The following SEPTIN3 variants were observed in gnomAD, a reference collection of about 807,000 sequenced individuals.
SEPTIN3 encodes neuronal-specific septin-3.
In SEPTIN3, 15 loss-of-function variants were observed where a neutral mutation model predicts 45.1. The ratio of observed to expected loss-of-function variants is 0.33; its 90% CI spans 0.22 to 0.51. The LOEUF is 0.51. Ranked by LOEUF, SEPTIN3 falls within the 20% of genes least tolerant of loss-of-function variation. The probability of loss-of-function intolerance (pLI) is 0.97; values close to 1 mark genes in which losing one functional copy is unlikely to be tolerated. For synonymous variants in SEPTIN3, 148 were observed against 164.8 expected, an observed-to-expected ratio of 0.90 and a Z score of 0.78; for missense variants, 289 against 457.2, an observed-to-expected ratio of 0.63 and a Z score of 3.35.
At chr22:41,982,050 C>T (rs928604690) in intron 3 of SEPTIN3, 6 of 574,808 alleles carry the variant, frequency 1.0e-5, no homozygotes, top group Non-Finnish European at 1.6e-5. Context: ...CCAGCCCAGC[C>T]CCCCATCACC....
intron 11 of SEPTIN3, chr22:41,995,471 C>A: frequency 9.1e-6 from 9 of 985,580 alleles, no homozygotes; most frequent in Non-Finnish European, 1.1e-5. Flanking sequence ...CAGGCCACTG[C>A]CTGTCTCTGC....
Position 41,972,246 on chromosome 22 carries a change from A to C in SEPTIN3, c.754A>C (p.Thr252Pro), listed in dbSNP as rs1198694993. The C allele has an allele frequency of 2.5e-6, 1 of 399,124 alleles. No individual in the cohort carries two copies. Among genetic ancestry groups the C allele is most frequent in the Non-Finnish European group, 4.4e-6 (1 of 226,110 alleles). 24.7% of individuals were successfully genotyped at this position (399,124 alleles called of 1,614,324 possible). The change falls in exon 2 of 12, where the codon ACG becomes CCG. Residue 252 changes from threonine to proline, a missense_variant. By Grantham distance (38) the Thr-to-Pro change is conservative. This residue lies in a region of SEPTIN3 where 200 missense variants were observed against 315.1 expected (regional missense o/e 0.63). Transcript: ENST00000644076. Reference protein sequence around the residue: ...RPRGRLQRANTTVNLTAMDTR... With the variant: ...RPRGRLQRANPTVNLTAMDTR... The stretch of plus-strand genomic sequence containing the variant: ...CCGGGGGCGTCTCCAAAGGGCCAAC[A>C]CGACTGTGAATTTGACTGCTATGGA...
intron 2 of SEPTIN3, among the ~76,000 whole-genome samples, chr22:41,974,780 G>A (rs2077999029): frequency 6.8e-6 from 1 of 147,922 alleles, no homozygotes; most frequent in Non-Finnish European, 1.5e-5. Flanking sequence ...GCTTGAACCC[G>A]GGAGGCGGAG....
At chr22:41,990,527 C>G (rs1206597042) in intron 7 of SEPTIN3, among the ~76,000 whole-genome samples, 4 of 149,054 alleles carry the variant, frequency 2.7e-5, no homozygotes, top group South Asian at 4.2e-4. Context: ...GGGTGAATCA[C>G]GAAGTCAGGA....
In SEPTIN3 at chr22:41,996,960, C is replaced by T; in HGVS notation, c.2564C>T (p.Ala855Val). The T allele has an allele frequency of 6.2e-7, 1 of 1,614,032 alleles. No homozygotes were observed. Among genetic ancestry groups the T allele is most frequent in the Non-Finnish European group, 8.5e-7 (1 of 1,179,926 alleles). The change falls in exon 12 of 12, where the codon GCT becomes GTT. Residue 855 changes from alanine to valine, a missense_variant. Ala to Val is a moderately conservative substitution (Grantham distance 64). This residue lies in a region of SEPTIN3 where 84 missense variants were observed against 114.7 expected (regional missense o/e 0.73). Coordinates refer to ENST00000644076, the MANE Select transcript of SEPTIN3 (RefSeq NM_001363845.2). ...PPVPATPCPT[A>V]E is the part of the protein sequence containing the mutation. ...GTGCCAGCCACCCCCTGCCCCACTG[C>T]TGAATGAAGGCCATTTCAAGCGCTG...
intron 2 of SEPTIN3, among the ~76,000 whole-genome samples, chr22:41,975,205 A>G (rs1339823769): frequency 6.6e-6 from 1 of 152,176 alleles, no homozygotes; most frequent in East Asian, 1.9e-4. Flanking sequence ...TGGTCTTAGA[A>G]AGCCTGTGAC....
chr22:41,979,760 GA>G (rs1205142317), intron 2 of SEPTIN3, among the ~76,000 whole-genome samples: 1 of 152,224 alleles, frequency 6.6e-6, no homozygotes, highest in African/African-American at 2.4e-5. Flanking sequence ...TTCCCATTGG[GA>G]GAGAGGGTCT....
chr22:41,974,947 G>C (rs928975881), intron 2 of SEPTIN3, among the ~76,000 whole-genome samples: 1 of 142,994 alleles, frequency 7.0e-6, no homozygotes, highest in African/African-American at 2.6e-5. Flanking sequence ...GTTGTGATTT[G>C]TCTAATAGGT....
At position 41,997,066 on chromosome 22, in the gene SEPTIN3, C is replaced by T. The variant is rs1157081346; in HGVS notation, c.*99C>T. The T allele has an allele frequency of 3.2e-6, 5 of 1,579,726 alleles. No individual in the cohort carries two copies. The highest frequency in any genetic ancestry group is 2.7e-5 in the African/African-American group (2 of 74,316). ...GCTGTGCTCGTCCAGCTCACCACCA[C>T]AGCCCCTCTCAGCCCTCAGTAGGTG... On this transcript the variant is annotated 3_prime_UTR_variant, in exon 12 of 12. Coordinates refer to ENST00000644076, the MANE Select transcript of SEPTIN3 (RefSeq NM_001363845.2).
rs1278546021 is a variant in SEPTIN3, at chr22:41,997,059, A to G, written c.*92A>G. On this transcript the variant is annotated 3_prime_UTR_variant, in exon 12 of 12. Coordinates refer to ENST00000644076, the MANE Select transcript of SEPTIN3 (RefSeq NM_001363845.2). ...TTTTAGTGCTGTGCTCGTCCAGCTC[A>G]CCACCACAGCCCCTCTCAGCCCTCA... 3 of 1,597,024 alleles carry G rather than the reference A, an allele frequency of 1.9e-6. No individual in the cohort carries two copies. Among genetic ancestry groups the G allele is most frequent in the African/African-American group, 1.3e-5 (1 of 74,726 alleles).
At chr22:41,983,845 T>C (rs967297949) in intron 3 of SEPTIN3, among the ~76,000 whole-genome samples, 1 of 152,240 alleles carries the variant, frequency 6.6e-6, no homozygotes, top group Non-Finnish European at 1.5e-5. Flanking sequence ...TGTCTGCTTA[T>C]GTTTTGGTCA....
intron 3 of SEPTIN3, 127 bp downstream of exon 3, chr22:41,981,963 C>A: frequency 1.2e-6 from 1 of 861,528 alleles, no homozygotes; most frequent in Non-Finnish European, 1.8e-6. Flanking sequence ...GAGAATTTCA[C>A]CATGCTGATC....
At chr22:41,985,749 T>C in intron 3 of SEPTIN3, 1 of 367,254 alleles carries the variant, frequency 2.7e-6, no homozygotes, top group Non-Finnish European at 5.0e-6. Flanking sequence ...GTCCTGTGGC[T>C]CTGGGAAGGA....
At position 41,986,042 on chromosome 22, in the gene SEPTIN3, C is replaced by G; in HGVS notation, c.1755C>G (p.Ser585Arg). 1 of 1,613,842 alleles carries G rather than the reference C, an allele frequency of 6.2e-7. No individual in the cohort carries two copies. Among genetic ancestry groups the G allele is most frequent in the African/African-American group, 1.3e-5 (1 of 75,034 alleles). The change falls in exon 4 of 12, where the codon AGC becomes AGG. Residue 585 changes from serine to arginine, a missense_variant. Around this residue, in one of 3 missense-constraint regions of SEPTIN3, gnomAD observed 200 missense variants for 315.1 expected, o/e 0.63. Coordinates refer to ENST00000644076, the MANE Select transcript of SEPTIN3 (RefSeq NM_001363845.2). ...ACACGCTCTTCAAATCCCAAGTGAG[C>G]CGCAAGGCCTCCAGCTGGAACCGGG... ...LVNTLFKSQVSRKASSWNREE... is the reference protein window; with the variant it reads ...LVNTLFKSQVRRKASSWNREE...
At chr22:41,982,914 A>T (rs1185928452) in intron 3 of SEPTIN3, among the ~76,000 whole-genome samples, 1 of 152,002 alleles carries the variant, frequency 6.6e-6, no homozygotes, top group East Asian at 1.9e-4. Flanking sequence ...AGAAAAAAAA[A>T]AGAGTAGGAA....
intron 3 of SEPTIN3, among the ~76,000 whole-genome samples, chr22:41,982,582 G>A (rs143987065): frequency 1.6e-4 from 25 of 151,560 alleles, no homozygotes; most frequent in African/African-American, 5.1e-4. Context: ...GCATCACTGC[G>A]TCACAGAATG....
At chr22:41,996,177 G>A (rs1366801081) in intron 11 of SEPTIN3, 16 of 985,026 alleles carry the variant, frequency 1.6e-5, no homozygotes, top group South Asian at 4.7e-5. Context: ...GATACCCACC[G>A]TCATACATTT....
intron 4 of SEPTIN3, 72 bp downstream of exon 4, chr22:41,986,184 G>A (rs2078204824): frequency 1.3e-6 from 2 of 1,559,090 alleles, no homozygotes; most frequent in African/African-American, 1.4e-5. Context: ...AAAGAATGGG[G>A]CTTATTGAAG....
chr22:41,971,634 C>T lies in SEPTIN3; in HGVS notation c.142C>T (p.Pro48Ser), dbSNP rs767711980. ...CCCTGGAGGAGGGTCCCCCCTCACC[C>T]CCGTCCTCAGGAAGACCATCCATCT... ...RLPGGGSPLT[P>S]VLRKTIHLDT... Residue 48 changes from proline to serine, a missense_variant, in exon 2 of 12, where the codon CCC (proline) becomes TCC (serine). Pro to Ser is a moderately conservative substitution (Grantham distance 74). This residue lies in a region of SEPTIN3 where 200 missense variants were observed against 315.1 expected (regional missense o/e 0.63). Coordinates refer to ENST00000644076, the MANE Select transcript of SEPTIN3 (RefSeq NM_001363845.2). 5.0e-6 allele frequency: 2 copies of T among 399,012 alleles called. No individual in the cohort carries two copies. The highest frequency in any genetic ancestry group is 8.8e-6 in the Non-Finnish European group (2 of 226,208). The allele number at this position is 399,012 out of a possible 1,614,324, so 24.7% of individuals were successfully genotyped here.
Sources: gnomAD v4.1 joint callset for allele counts (sites outside exome capture counted in the v4.1 genomes callset) on GRCh38, gnomAD v4.1.1 for gene constraint, gnomAD v4.1.1 regional missense constraint, MANE v1.5 for transcripts, NCBI Gene and HGNC (gene_info 2026-07-23, HGNC 2026-07-21) for gene names.